Variants in CRTAC1 observed in about 807,000 individuals in gnomAD.
CRTAC1 encodes acidic secreted protein in cartilage.
In CRTAC1, 37 loss-of-function variants were observed where a neutral mutation model predicts 67.8. That is an observed-to-expected ratio of 0.55 (90% CI 0.42 to 0.72). The LOEUF is 0.72. Ranked by LOEUF, CRTAC1 falls within the 30% of genes least tolerant of loss-of-function variation. The probability of loss-of-function intolerance (pLI) is 0.00; values close to 1 mark genes in which losing one functional copy is unlikely to be tolerated. For synonymous variants in CRTAC1, 348 were observed against 371.0 expected (o/e 0.94, Z 0.71); for missense variants, 780 against 931.6 (o/e 0.84, Z 2.12).
At chr10:97,874,722 T>A (rs148415442) in intron 14 of CRTAC1, among the ~76,000 whole-genome samples, 127 of 152,246 alleles carry the variant, frequency 8.3e-4, no homozygotes, top group African/African-American at 3.0e-3. Context: ...TGAGGTATTA[T>A]CCCCATCTTG....
intron 1 of CRTAC1, among the ~76,000 whole-genome samples, chr10:98,023,797 C>G (rs1012147155): frequency 3.3e-5 from 5 of 152,188 alleles, no homozygotes; most frequent in African/African-American, 1.2e-4. Context: ...AGTGACGCTC[C>G]CATGTGGGAA....
At chr10:97,886,800 G>A (rs568126620) in intron 11 of CRTAC1, among the ~76,000 whole-genome samples, 4 of 151,758 alleles carry the variant, frequency 2.6e-5, no homozygotes, top group East Asian at 1.9e-4. Flanking sequence ...ATGTACCACC[G>A]CGCCTGGCTA....
intron 2 of CRTAC1, among the ~76,000 whole-genome samples, chr10:97,960,056 AC>A (rs2051502312): frequency 6.6e-6 from 1 of 152,220 alleles, no homozygotes; most frequent in Admixed American, 6.5e-5. Context: ...TTCAGAATGA[AC>A]CACATTGTAT....
rs539783452 is a variant in CRTAC1 at position 97,922,380 on chromosome 10, C to T, written c.558+884G>A. Reference sequence around the variant, plus strand: ...ATTCACACTGAATCCCCAATCCCCTCGGTGCCATCTCAATCCCAAAGTGAG... The same window carrying T: ...ATTCACACTGAATCCCCAATCCCCTTGGTGCCATCTCAATCCCAAAGTGAG... On this transcript the variant is annotated intron_variant, in intron 4 of 14. Coordinates refer to ENST00000370597, the MANE Select transcript of CRTAC1 (RefSeq NM_018058.7). 1.3e-4 allele frequency among the ~76,000 whole-genome samples: 20 copies of T among 152,358 alleles called. No individual in the cohort carries two copies. The South Asian group carries it at 2.5e-3, about 19-fold the overall frequency.
chr10:98,023,842 C>G (rs545112708), intron 1 of CRTAC1, among the ~76,000 whole-genome samples: 1 of 152,312 alleles, frequency 6.6e-6, no homozygotes, highest in Admixed American at 6.5e-5. Flanking sequence ...TCAGGGGAGC[C>G]TCAAGTGACT....
At chr10:98,016,032 C>T (rs1327828104) in intron 1 of CRTAC1, among the ~76,000 whole-genome samples, 2 of 152,210 alleles carry the variant, frequency 1.3e-5, no homozygotes, top group East Asian at 1.9e-4. Context: ...TTTATCTTTA[C>T]ACACTCAAAG....
chr10:97,876,320 T>C (rs1176578019), intron 14 of CRTAC1, among the ~76,000 whole-genome samples: 1 of 152,154 alleles, frequency 6.6e-6, no homozygotes, highest in Non-Finnish European at 1.5e-5. Context: ...GAGATTATTA[T>C]GAGGATTAAA....
At chr10:97,941,793 G>C (rs532829765) in intron 2 of CRTAC1, among the ~76,000 whole-genome samples, 1 of 152,194 alleles carries the variant, frequency 6.6e-6, no homozygotes. Flanking sequence ...CCCCCACACT[G>C]TAGCCAGAGT....
intron 2 of CRTAC1, among the ~76,000 whole-genome samples, chr10:98,002,814 T>C (rs1315254832): frequency 1.5e-5 from 2 of 134,324 alleles, no homozygotes; most frequent in African/African-American, 5.5e-5. Flanking sequence ...AGTCTGTCTC[T>C]GTCCCCCAGG....
chr10:97,968,641 C>T (rs928144005), intron 2 of CRTAC1, among the ~76,000 whole-genome samples: 5 of 152,212 alleles, frequency 3.3e-5, no homozygotes, highest in African/African-American at 9.7e-5. Flanking sequence ...CCTGAACACA[C>T]AGCAAGGCTG....
chr10:97,893,704 A>G lies in CRTAC1; in HGVS notation c.1486+1541T>C, dbSNP rs535524738. 2.2e-4 allele frequency among the ~76,000 whole-genome samples: 33 copies of G among 152,286 alleles called. 1 individual carries two copies. The highest frequency in any genetic ancestry group is 1.8e-3 in the Admixed American group (28 of 15,296). ...GATCTGCCATGGCATGAGGCACCAC[A>G]AAGACCCTCTCGGGCTGCCCTTGAT... On this transcript the variant is annotated intron_variant, in intron 11 of 14. Transcript: ENST00000370597.
chr10:98,000,875 C>T (rs479421), intron 2 of CRTAC1, among the ~76,000 whole-genome samples: 25,396 of 152,226 alleles, frequency 0.17, 2,686 homozygotes, highest in African/African-American at 0.3. Context: ...ACTAAACTCA[C>T]TGGCAAAAGG....
chr10:97,878,787 C>A, intron 14 of CRTAC1: 1 of 1,098,860 alleles, frequency 9.1e-7, no homozygotes, highest in Non-Finnish European at 1.2e-6. Context: ...ACCAGCCCAA[C>A]TCTCTTGTCA....
intron 2 of CRTAC1, among the ~76,000 whole-genome samples, chr10:97,992,579 G>A (rs1590271173): frequency 6.6e-6 from 1 of 152,292 alleles, no homozygotes; most frequent in East Asian, 1.9e-4. Flanking sequence ...TAAAGAAAAT[G>A]TGATAACACA....
chr10:98,008,559 G>C (rs1052198353), intron 2 of CRTAC1, among the ~76,000 whole-genome samples: 26 of 152,130 alleles, frequency 1.7e-4, no homozygotes, highest in Admixed American at 1.5e-3. Context: ...ACTGAAATCA[G>C]AGACAGCTTT....
At chr10:97,919,801 C>T (rs111603625) in intron 4 of CRTAC1, among the ~76,000 whole-genome samples, 1 of 121,716 alleles carries the variant, frequency 8.2e-6, no homozygotes, top group Non-Finnish European at 1.6e-5. Context: ...CAGGGTCTCC[C>T]TCTGTCACTC....
In CRTAC1 at chr10:97,904,800, G is replaced by A. The variant is rs756167481; in HGVS notation, c.865C>T (p.His289Tyr). The change falls in exon 7 of 15, where the codon CAC becomes TAC. Residue 289 changes from histidine to tyrosine, a missense_variant. His to Tyr is a moderately conservative substitution (Grantham distance 83, BLOSUM62 2). Transcript: ENST00000370597. ...AGGGCGACACCTCGCCCATGCTGGT[G>A]GGGGTCGTCCACACCTGGGGAGGAG... is the stretch of plus-strand genomic sequence containing the variant. ...AAASAGVDDP[H>Y]QHGRGVALAD... The A allele has an allele frequency of 1.3e-6, 2 of 1,599,894 alleles. No homozygotes were observed. The highest frequency in any genetic ancestry group is 1.1e-5 in the South Asian group (1 of 88,892).
intron 8 of CRTAC1, among the ~76,000 whole-genome samples, chr10:97,898,863 C>T (rs1402572671): frequency 8.5e-5 from 13 of 152,216 alleles, no homozygotes; most frequent in African/African-American, 3.1e-4. Flanking sequence ...TTGTTCATGC[C>T]TTTTTGCCTC....
chr10:97,896,084 G>A, intron 9 of CRTAC1, 99 bp from the exon 10 acceptor site: 1 of 1,072,066 alleles, frequency 9.3e-7, no homozygotes, highest in Non-Finnish European at 1.4e-6. Flanking sequence ...CTGGGCGTGG[G>A]AGCCAGAGAA....
Sources: gnomAD v4.1 joint callset for allele counts (sites outside exome capture counted in the v4.1 genomes callset) on GRCh38, gnomAD v4.1.1 for gene constraint, MANE v1.5 for transcripts, NCBI Gene and HGNC (gene_info 2026-07-23, HGNC 2026-07-21) for gene names.